PTPRN2: variants seen among roughly 807,000 people sequenced by gnomAD.
The protein encoded by PTPRN2 is receptor-type tyrosine-protein phosphatase N2.
In PTPRN2, 74 loss-of-function variants were observed where a neutral mutation model predicts 118.8. The ratio of observed to expected loss-of-function variants is 0.62; its 90% confidence interval spans 0.52 to 0.76. The LOEUF is 0.76. Ranked by LOEUF, PTPRN2 falls within the 30% of genes least tolerant of loss-of-function variation. The probability of loss-of-function intolerance (pLI) is 0.00; values close to 1 mark genes in which losing one functional copy is unlikely to be tolerated. For synonymous variants in PTPRN2, 641 were observed against 608.0 expected (o/e 1.05, Z -0.80); for missense variants, 1,481 against 1,394.4 (o/e 1.06, Z -0.99).
At chr7:157,981,915 A>G (rs915677810) in intron 11 of PTPRN2, among the ~76,000 whole-genome samples, 13 of 152,248 alleles carry the variant, frequency 8.5e-5, no homozygotes, top group Admixed American at 4.6e-4. Flanking sequence ...AATTTGTAGA[A>G]TGTGGGGTCC....
intron 12 of PTPRN2, among the ~76,000 whole-genome samples, chr7:157,783,471 G>A (rs940644996): frequency 6.7e-6 from 1 of 149,902 alleles, no homozygotes; most frequent in African/African-American, 2.5e-5. Context: ...GGCCCAAGAG[G>A]AGCTGACAGC....
At chr7:158,043,264 G>A (rs1029850603) in intron 11 of PTPRN2, among the ~76,000 whole-genome samples, 1 of 152,208 alleles carries the variant, frequency 6.6e-6, no homozygotes, top group Non-Finnish European at 1.5e-5. Context: ...TAATCTAAGG[G>A]AGCAAATCCC....
intron 4 of PTPRN2, among the ~76,000 whole-genome samples, chr7:158,198,664 C>T (rs533351864): frequency 6.6e-6 from 1 of 152,296 alleles, no homozygotes; most frequent in Non-Finnish European, 1.5e-5. Flanking sequence ...ATCCCTGGTT[C>T]TCAGGTCCTC....
intron 17 of PTPRN2, among the ~76,000 whole-genome samples, chr7:157,586,866 G>A (rs1300963637): frequency 6.6e-6 from 1 of 152,248 alleles, no homozygotes; most frequent in African/African-American, 2.4e-5. Context: ...AGCTCGGGCT[G>A]AGCGGATGCC....
At chr7:158,176,950 C>A (rs1487369289) in intron 5 of PTPRN2, among the ~76,000 whole-genome samples, 1 of 152,204 alleles carries the variant, frequency 6.6e-6, no homozygotes, top group Non-Finnish European at 1.5e-5. Context: ...GCTATCTCTG[C>A]ACAATCTCTC....
At chr7:157,722,461 T>C (rs1343455139) in intron 12 of PTPRN2, among the ~76,000 whole-genome samples, 2 of 151,564 alleles carry the variant, frequency 1.3e-5, no homozygotes, top group Non-Finnish European at 2.9e-5. Flanking sequence ...GTCGGTGCAG[T>C]TGGGAAAGGT....
chr7:157,741,220 T>C (rs1417955267), intron 12 of PTPRN2, among the ~76,000 whole-genome samples: 1 of 152,244 alleles, frequency 6.6e-6, no homozygotes, highest in Non-Finnish European at 1.5e-5. Flanking sequence ...ATTTCCTCAC[T>C]TTTTAAAATG....
chr7:157,983,891 C>A (rs1406502193), intron 11 of PTPRN2, among the ~76,000 whole-genome samples: 1 of 152,148 alleles, frequency 6.6e-6, no homozygotes, highest in Non-Finnish European at 1.5e-5. Flanking sequence ...GGTGCCTGGA[C>A]ACACGGATGT....
chr7:158,542,219 C>T (rs534507979), intron 1 of PTPRN2, among the ~76,000 whole-genome samples: 8 of 152,336 alleles, frequency 5.3e-5, no homozygotes, highest in East Asian at 1.9e-4. Flanking sequence ...GGTGCAATCT[C>T]GGCTCACTGC....
intron 6 of PTPRN2, among the ~76,000 whole-genome samples, chr7:158,145,997 A>G (rs1029903943): frequency 1.3e-5 from 2 of 152,204 alleles, no homozygotes; most frequent in South Asian, 2.1e-4. Flanking sequence ...GTAAGTGCTT[A>G]ATAAATTATA....
intron 2 of PTPRN2, among the ~76,000 whole-genome samples, chr7:158,441,369 G>GAT (rs1817160557): frequency 6.7e-6 from 1 of 148,772 alleles, no homozygotes; most frequent in Non-Finnish European, 1.5e-5. Context: ...TGATGGCAGT[G>GAT]GTGGCAGTGG....
chr7:158,515,291 A>G (rs1345343136), intron 1 of PTPRN2, among the ~76,000 whole-genome samples: 1 of 151,048 alleles, frequency 6.6e-6, no homozygotes, highest in Non-Finnish European at 1.5e-5. Flanking sequence ...GGTTCAAGTG[A>G]TTCTCCTGCC....
intron 11 of PTPRN2, among the ~76,000 whole-genome samples, chr7:158,008,917 T>C (rs1410602003): frequency 6.6e-6 from 1 of 152,244 alleles, no homozygotes; most frequent in Non-Finnish European, 1.5e-5. Context: ...ATCACGTTGA[T>C]ATACTCAGAC....
At chr7:157,752,197 G>A (rs1801511300) in intron 12 of PTPRN2, among the ~76,000 whole-genome samples, 2 of 152,334 alleles carry the variant, frequency 1.3e-5, no homozygotes, top group South Asian at 4.1e-4. Context: ...TTTCTCCAGG[G>A]TGGGGGCACC....
At chr7:158,376,944 T>C (rs570172353) in intron 2 of PTPRN2, among the ~76,000 whole-genome samples, 3 of 60,192 alleles carry the variant, frequency 5.0e-5, no homozygotes, top group Non-Finnish European at 1.0e-4. Flanking sequence ...GTCAGGGGAC[T>C]CCCCCACAGC....
rs55894634 is a variant in PTPRN2 at position 158,517,903 on chromosome 7, C to G, written c.113-28118G>C. On this transcript the variant is annotated intron_variant, in intron 1 of 22. Coordinates refer to ENST00000389418, the MANE Select transcript of PTPRN2 (RefSeq NM_002847.5). The surrounding 1 kb of genome is among the most constrained non-coding windows in gnomAD (Gnocchi z 5.3). ...ACTGCAGAAAAACCTTCCCTCCCCC[C>G]CAGTCTGACTAGAGTCCACTCATTT... 0.25 allele frequency among the ~76,000 whole-genome samples: 38,242 copies of G among 152,144 alleles called. 4,905 individuals are homozygous for G. The highest frequency in any genetic ancestry group is 0.38 in the South Asian group (1,831 of 4,810).
intron 3 of PTPRN2, among the ~76,000 whole-genome samples, chr7:158,260,387 CA>C (rs1184194737): frequency 2.6e-5 from 4 of 152,200 alleles, no homozygotes; most frequent in African/African-American, 9.6e-5. Context: ...AGACTTTATA[CA>C]CAAAAGTTTG....
intron 5 of PTPRN2, among the ~76,000 whole-genome samples, chr7:158,187,191 A>G (rs1825238341): frequency 6.6e-6 from 1 of 152,224 alleles, no homozygotes; most frequent in Non-Finnish European, 1.5e-5. Flanking sequence ...GAACAAAGAG[A>G]AAGAGCATGA....
At chr7:158,292,597 G>A (rs867546356) in intron 3 of PTPRN2, among the ~76,000 whole-genome samples, 6 of 152,254 alleles carry the variant, frequency 3.9e-5, no homozygotes, top group African/African-American at 7.2e-5. Context: ...GTGCACTTAC[G>A]CACCCCCAGA....
Sources: gnomAD v4.1 joint callset for allele counts (sites outside exome capture counted in the v4.1 genomes callset) on GRCh38, gnomAD v4.1.1 for gene constraint, Gnocchi (gnomAD v3.1) non-coding constraint, MANE v1.5 for transcripts, NCBI Gene and HGNC (gene_info 2026-07-23, HGNC 2026-07-21) for gene names.